Variants in PCDHA4 observed in about 807,000 individuals in gnomAD.
PCDHA4 encodes the protein protocadherin alpha 4, also known as protocadherin alpha-4.
Under a neutral mutation model 61.4 loss-of-function variants are expected in PCDHA4, and 49 were observed. That is an observed-to-expected ratio of 0.80 (90% CI 0.63 to 1.01). The LOEUF is 1.01. Ranked by LOEUF, PCDHA4 falls within the 50% of genes least tolerant of loss-of-function variation. The pLI, the probability that PCDHA4 is intolerant of heterozygous loss-of-function variation, is 0.00. For missense variants in PCDHA4, 1,254 were observed against 1,235.8 expected (o/e 1.01, Z -0.22); for synonymous variants, 590 against 550.3 (o/e 1.07, Z -1.01).
chr5:140,887,838 T>C (rs1434293324), intron 1 of PCDHA4, among the ~76,000 whole-genome samples: 1 of 152,210 alleles, frequency 6.6e-6, no homozygotes. Context: ...TGAATATCTT[T>C]TATTGACATA....
intron 1 of PCDHA4, among the ~76,000 whole-genome samples, chr5:140,890,656 A>C (rs181998048): frequency 1.3e-5 from 2 of 152,300 alleles, no homozygotes; most frequent in Admixed American, 6.5e-5. Context: ...CAAAATCAAA[A>C]GTTAACTGAA....
At chr5:140,958,544 A>G (rs1218939069) in intron 1 of PCDHA4, among the ~76,000 whole-genome samples, 1 of 152,182 alleles carries the variant, frequency 6.6e-6, no homozygotes, top group Non-Finnish European at 1.5e-5. Flanking sequence ...TGATTTATGA[A>G]CCAATAAATG....
intron 1 of PCDHA4, chr5:140,966,271 T>C: frequency 2.8e-6 from 1 of 355,706 alleles, no homozygotes; most frequent in Non-Finnish European, 5.0e-6. Flanking sequence ...CTGGATGAAC[T>C]GGACAGTGGG....
At chr5:140,908,895 G>A (rs1381470212) in intron 1 of PCDHA4, among the ~76,000 whole-genome samples, 1 of 152,158 alleles carries the variant, frequency 6.6e-6, no homozygotes, top group Non-Finnish European at 1.5e-5. Flanking sequence ...TCCCAAATAA[G>A]CCTCTTTCGT....
intron 1 of PCDHA4, chr5:140,849,440 A>G: frequency 6.3e-7 from 1 of 1,584,040 alleles, no homozygotes; most frequent in Non-Finnish European, 8.6e-7. Flanking sequence ...AAAGTAGAGC[A>G]CACAAGATCC....
chr5:140,979,408 G>GTT (rs558051720), intron 2 of PCDHA4, among the ~76,000 whole-genome samples: 2 of 147,646 alleles, frequency 1.4e-5, no homozygotes, highest in African/African-American at 2.5e-5. Context: ...TGTCTACCTT[G>GTT]TTTTTTTTTT....
chr5:140,895,668 T>C (rs2065102216), intron 1 of PCDHA4, among the ~76,000 whole-genome samples: 1 of 152,170 alleles, frequency 6.6e-6, no homozygotes, highest in South Asian at 2.1e-4. Flanking sequence ...TGAGAACATG[T>C]AGTATTTGGT....
chr5:140,822,397 C>T (rs113016935), intron 1 of PCDHA4: 2 of 1,613,862 alleles, frequency 1.2e-6, no homozygotes, highest in African/African-American at 2.7e-5. Context: ...ACAAGAACAC[C>T]GTTTATTAGT....
chr5:140,822,971 C>T, intron 1 of PCDHA4: 1 of 1,614,236 alleles, frequency 6.2e-7, no homozygotes. Context: ...CTGGTGTCCA[C>T]CTTCAAGAAT....
intron 1 of PCDHA4, chr5:140,829,380 G>C (rs1554131916): frequency 2.5e-6 from 4 of 1,613,994 alleles, no homozygotes; most frequent in Non-Finnish European, 3.4e-6. Context: ...GCGCGGGACG[G>C]GGGCTCGCCT....
chr5:140,925,685 G>T (rs1584406507), intron 1 of PCDHA4, among the ~76,000 whole-genome samples: 1 of 137,694 alleles, frequency 7.3e-6, no homozygotes, highest in South Asian at 2.3e-4. Flanking sequence ...ATAAAGCGAG[G>T]GTGGGTATCT....
chr5:140,899,541 T>C (rs1469690137), intron 1 of PCDHA4, among the ~76,000 whole-genome samples: 2 of 152,210 alleles, frequency 1.3e-5, no homozygotes, highest in South Asian at 2.1e-4. Context: ...CACTTGATCA[T>C]GGTGGATAAG....
chr5:140,941,876 C>T (rs1293978062), intron 1 of PCDHA4, among the ~76,000 whole-genome samples: 1 of 152,166 alleles, frequency 6.6e-6, no homozygotes, highest in Non-Finnish European at 1.5e-5. Flanking sequence ...GTTCTATCAC[C>T]AGTGACTAGC....
At chr5:140,958,098 G>A (rs1170347696) in intron 1 of PCDHA4, among the ~76,000 whole-genome samples, 4 of 152,088 alleles carry the variant, frequency 2.6e-5, no homozygotes, top group South Asian at 2.1e-4. Context: ...ACAATAGTGT[G>A]TAGAGTGTGG....
At chr5:140,840,562 G>C (rs1776767588) in intron 1 of PCDHA4, among the ~76,000 whole-genome samples, 1 of 152,076 alleles carries the variant, frequency 6.6e-6, no homozygotes, top group South Asian at 2.1e-4. Context: ...TACTGCTAGA[G>C]TTTGGCATGT....
chr5:140,809,533 A>T lies in PCDHA4; in HGVS notation c.2346A>T (p.Arg782Ser). 1 of 1,613,948 alleles carries T rather than the reference A, an allele frequency of 6.2e-7. No individual in the cohort carries two copies. Among genetic ancestry groups the T allele is most frequent in the Non-Finnish European group, 8.5e-7 (1 of 1,179,922 alleles). ...CCAGTTTACCTGACTCTAGGGACAG[A>T]GAAGATCAGCTGCAGACAACTGAGG... ...FSPSLPDSRD[R>S]EDQLQTTEES... Residue 782 changes from arginine (R) to serine (S), a missense_variant, in exon 1 of 4, where the codon AGA (arginine) becomes AGT (serine). Coordinates refer to ENST00000530339, the MANE Select transcript of PCDHA4 (RefSeq NM_018907.4).
At chr5:140,997,993 C>T (rs1356544638) in intron 3 of PCDHA4, among the ~76,000 whole-genome samples, 1 of 152,082 alleles carries the variant, frequency 6.6e-6, no homozygotes, top group Non-Finnish European at 1.5e-5. Flanking sequence ...TACATACTTC[C>T]CTCTGAGCCT....
At chr5:140,884,247 C>G (rs1554181368) in intron 1 of PCDHA4, 5 of 1,613,398 alleles carry the variant, frequency 3.1e-6, no homozygotes, top group Non-Finnish European at 4.2e-6. Flanking sequence ...CCCGCGCTGA[C>G]GGCCACGGCA....
intron 3 of PCDHA4, among the ~76,000 whole-genome samples, chr5:140,992,857 C>G (rs1234991129): frequency 6.6e-6 from 1 of 152,148 alleles, no homozygotes; most frequent in African/African-American, 2.4e-5. Context: ...ACCAGTTTCA[C>G]TCTAGCTCCC....
Sources: allele counts gnomAD v4.1 joint callset (sites outside exome capture counted in the v4.1 genomes callset), GRCh38; gene constraint gnomAD v4.1.1; transcripts MANE v1.5; gene names NCBI Gene and HGNC (gene_info 2026-07-23, HGNC 2026-07-21).